Variants in ACTN1 observed in about 807,000 individuals in gnomAD.
ACTN1 encodes the protein alpha-actinin-1.
ACTN1 carries 30 observed loss-of-function variants against 119.6 expected under a neutral mutation model. That is an observed-to-expected ratio of 0.25 (90% CI 0.19 to 0.34). The LOEUF (loss-of-function observed/expected upper bound fraction) is 0.34, where lower values mean the gene tolerates loss of function less well. ACTN1 is among the 10% of genes least tolerant of loss of function. The probability of loss-of-function intolerance (pLI) is 1.00; values close to 1 mark genes in which losing one functional copy is unlikely to be tolerated. For missense variants in ACTN1, 764 were observed against 1,223.4 expected (o/e 0.62, Z 5.60); for synonymous variants, 429 against 472.6 (o/e 0.91, Z 1.20).
chr14:68,920,768 A>C (rs1268039606), intron 3 of ACTN1, among the ~76,000 whole-genome samples: 1 of 152,214 alleles, frequency 6.6e-6, no homozygotes, highest in African/African-American at 2.4e-5. Flanking sequence ...GACGTGGCTA[A>C]GCAGGTGCAG....
intron 7 of ACTN1, 107 bp downstream of exon 7, chr14:68,904,548 C>G: frequency 2.1e-6 from 2 of 939,970 alleles, no homozygotes; most frequent in South Asian, 3.0e-5. Context: ...TCCCAGAAGA[C>G]CAGGCCTCCT....
intron 3 of ACTN1, among the ~76,000 whole-genome samples, chr14:68,912,882 T>C (rs2034087007): frequency 1.3e-5 from 2 of 152,194 alleles, no homozygotes; most frequent in South Asian, 4.1e-4. Flanking sequence ...ACAAATGTTC[T>C]GGCAATTCTG....
At chr14:68,875,068 C>A (rs1279454682) in intron 21 of ACTN1, 51 bp from the exon 22 acceptor site, 4 of 1,601,366 alleles carry the variant, frequency 2.5e-6, no homozygotes, top group African/African-American at 1.3e-5. Flanking sequence ...AGCCGTAAAG[C>A]GGCGCGGCCC....
intron 3 of ACTN1, among the ~76,000 whole-genome samples, chr14:68,913,442 A>G (rs2034118025): frequency 6.6e-6 from 1 of 152,240 alleles, no homozygotes; most frequent in South Asian, 2.1e-4. Flanking sequence ...GAGACCCAAT[A>G]GAACCATGAG....
In ACTN1 at chr14:68,966,045, C is replaced by A. The variant is rs182061671; in HGVS notation, c.105+12907G>T. 2.6e-4 allele frequency among the ~76,000 whole-genome samples: 39 copies of A among 152,148 alleles called. No homozygotes were observed. The East Asian group carries it at 7.4e-3, about 29-fold the overall frequency. On this transcript the variant is annotated intron_variant, in intron 1 of 21. Coordinates refer to ENST00000394419, the MANE Select transcript of ACTN1 (RefSeq NM_001130004.2). ...CCAGCCTGGGTAACACAGCAAGACCCTGTCCCTACAAAAAAAATAAAATTA... is the reference window on the plus strand; with the variant it reads ...CCAGCCTGGGTAACACAGCAAGACCATGTCCCTACAAAAAAAATAAAATTA...
At position 68,925,731 on chromosome 14, in the gene ACTN1, C is replaced by A; in HGVS notation, c.106-59G>T. The A allele has an allele frequency of 7.1e-7, 1 of 1,417,458 alleles. No individual in the cohort carries two copies. The highest frequency in any genetic ancestry group is 1.2e-5 in the South Asian group (1 of 81,570). The allele number at this position is 1,417,458 out of a possible 1,614,324, so 87.8% of individuals were successfully genotyped here. On this transcript the variant is annotated intron_variant, in intron 1 of 21. Transcript: ENST00000394419. The surrounding 1 kb of genome is among the most constrained non-coding windows in gnomAD (Gnocchi z 4.3). ...GGCTGGTGTTGTCACCCTCATTGGA[C>A]AAGCCATTTAATGGTGCCAGGGGGT...
intron 10 of ACTN1, among the ~76,000 whole-genome samples, chr14:68,890,519 T>C (rs953249220): frequency 2.0e-5 from 3 of 152,052 alleles, no homozygotes; most frequent in South Asian, 2.1e-4. Flanking sequence ...TGCATCTACA[T>C]TGGTCACCCA....
rs186627439 is a variant in ACTN1 at position 68,890,108 on chromosome 14, G to A, written c.1234+31C>T. 33 of 1,607,208 alleles carry A rather than the reference G, an allele frequency of 2.1e-5. No individual in the cohort carries two copies. In the African/African-American group the frequency reaches 2.1e-4, roughly 10 times the overall value. On this transcript the variant is annotated intron_variant, in intron 11 of 21. Coordinates refer to ENST00000394419, the MANE Select transcript of ACTN1 (RefSeq NM_001130004.2). ...CTGAAGAGTAGGGAAGTGAAGCCCT[G>A]GGGGGAGGCAGGAGGCTGGGCTGGC...
chr14:68,924,498 C>T lies in ACTN1; in HGVS notation c.220+1060G>A, dbSNP rs147325354. ...TAGTTGAAAACAAAGCAGGTGCCAG[C>T]TCATGCAGGATTCCATAAGCTATGC... On this transcript the variant is annotated intron_variant, in intron 2 of 21. Coordinates refer to ENST00000394419, the MANE Select transcript of ACTN1 (RefSeq NM_001130004.2). 2.2e-4 allele frequency among the ~76,000 whole-genome samples: 33 copies of T among 152,328 alleles called. No homozygotes were observed. In the East Asian group the frequency reaches 6.2e-3, roughly 29 times the overall value.
intron 8 of ACTN1, among the ~76,000 whole-genome samples, chr14:68,898,597 G>C (rs2033045378): frequency 6.6e-6 from 1 of 152,040 alleles, no homozygotes; most frequent in African/African-American, 2.4e-5. Flanking sequence ...GTCAGCAAGA[G>C]TCCTTCTCCT....
chr14:68,964,879 A>G (rs868690738), intron 1 of ACTN1, among the ~76,000 whole-genome samples: 108 of 152,294 alleles, frequency 7.1e-4, no homozygotes, highest in Middle Eastern at 3.4e-3. Flanking sequence ...CAAACGCAAG[A>G]GCCAGTCCCA....
chr14:68,977,993 C>T (rs754559592), intron 1 of ACTN1: 4 of 456,232 alleles, frequency 8.8e-6, no homozygotes, highest in South Asian at 6.2e-5. Flanking sequence ...GCCCTCCCCC[C>T]ACCACCACGA....
intron 1 of ACTN1, among the ~76,000 whole-genome samples, chr14:68,960,148 T>C (rs1288770613): frequency 6.6e-6 from 1 of 152,042 alleles, no homozygotes; most frequent in Non-Finnish European, 1.5e-5. Context: ...GGAGGACAGC[T>C]ACTGCTGTCT....
intron 2 of ACTN1, among the ~76,000 whole-genome samples, chr14:68,924,165 G>A (rs2034794744): frequency 6.6e-6 from 1 of 152,194 alleles, no homozygotes; most frequent in African/African-American, 2.4e-5. Context: ...AGTTTGAGAC[G>A]ATGAAGAGCC....
intron 1 of ACTN1, among the ~76,000 whole-genome samples, chr14:68,942,352 A>C (rs543246988): frequency 1.3e-5 from 2 of 149,176 alleles, no homozygotes; most frequent in Non-Finnish European, 3.0e-5. Flanking sequence ...CTGCATTCCA[A>C]CCTGGGAGAC....
chr14:68,898,715 C>T (rs1314725438), intron 8 of ACTN1, among the ~76,000 whole-genome samples: 1 of 152,030 alleles, frequency 6.6e-6, no homozygotes, highest in Non-Finnish European at 1.5e-5. Flanking sequence ...AGACCCCTGA[C>T]CAGGACATGA....
In ACTN1 at chr14:68,882,719, C is replaced by T. The variant is rs1594755987; in HGVS notation, c.1819-127G>A. 2 of 1,518,358 alleles carry T rather than the reference C, an allele frequency of 1.3e-6. No homozygotes were observed. The highest frequency in any genetic ancestry group is 1.2e-5 in the South Asian group (1 of 81,108). The allele number at this position is 1,518,358 out of a possible 1,614,324, so 94.1% of individuals were successfully genotyped here. A position where few individuals can be genotyped will look rare whatever the true frequency, so the allele number is the denominator to read the frequency against. On this transcript the variant is annotated intron_variant, in intron 15 of 21. Transcript: ENST00000394419. The surrounding 1 kb of genome is among the most constrained non-coding windows in gnomAD (Gnocchi z 4.5). ...ACAGAACAGGAGTAAAGGTGTCAAC[C>T]TGTTCTGGAAACCCAGTCATTTGAC...
intron 1 of ACTN1, among the ~76,000 whole-genome samples, chr14:68,939,878 A>T (rs2035705788): frequency 6.6e-6 from 1 of 151,890 alleles, no homozygotes; most frequent in Non-Finnish European, 1.5e-5. Flanking sequence ...TTTGTTTTTA[A>T]CCCATTTGGC....
intron 2 of ACTN1, among the ~76,000 whole-genome samples, chr14:68,924,564 C>A (rs1278621854): frequency 3.9e-5 from 6 of 152,214 alleles, no homozygotes; most frequent in Non-Finnish European, 7.3e-5. Flanking sequence ...TGGAGAGGCA[C>A]CGCGGGCTGA....
Sources: allele counts gnomAD v4.1 joint callset (sites outside exome capture counted in the v4.1 genomes callset), GRCh38; gene constraint gnomAD v4.1.1; non-coding constraint Gnocchi (gnomAD v3.1); transcripts MANE v1.5; gene names NCBI Gene and HGNC (gene_info 2026-07-23, HGNC 2026-07-21).